The following ATG7 variants were observed in gnomAD, a reference collection of about 807,000 sequenced individuals.
The protein encoded by ATG7 is autophagy related 7, also known as ubiquitin-like modifier-activating enzyme ATG7.
In ATG7, 70 loss-of-function variants were observed where a neutral mutation model predicts 82.4. The ratio of observed to expected loss-of-function variants is 0.85; its 90% CI spans 0.70 to 1.04. The LOEUF (loss-of-function observed/expected upper bound fraction) is 1.04. Ranked by LOEUF, ATG7 falls within the 50% of genes least tolerant of loss-of-function variation. ATG7 has a pLI of 0.00. For synonymous variants in ATG7, 287 were observed against 313.0 expected (o/e 0.92, Z 0.88); for missense variants, 792 against 864.3 (o/e 0.92, Z 1.05).
chr3:11,296,320 A>G (rs1945907116), intron 3 of ATG7, among the ~76,000 whole-genome samples: 7 of 151,928 alleles, frequency 4.6e-5, no homozygotes, highest in Admixed American at 4.6e-4. Flanking sequence ...CTTTCACTCA[A>G]GCTGCCATTC....
At chr3:11,418,269 T>G (rs1278936606) in intron 19 of ATG7, among the ~76,000 whole-genome samples, 1 of 104,848 alleles carries the variant, frequency 9.5e-6, no homozygotes, top group African/African-American at 3.0e-5. Flanking sequence ...CATACCTGGC[T>G]ATTTTTTTTT....
intron 20 of ATG7, among the ~76,000 whole-genome samples, chr3:11,511,562 G>C (rs1447281024): frequency 6.6e-6 from 1 of 152,348 alleles, no homozygotes; most frequent in East Asian, 1.9e-4. Context: ...GGGGCTGCAG[G>C]TGGAGCTGCC....
chr3:11,488,655 T>C (rs1278993778), intron 20 of ATG7, among the ~76,000 whole-genome samples: 1 of 152,158 alleles, frequency 6.6e-6, no homozygotes, highest in Non-Finnish European at 1.5e-5. Context: ...CGTGACCTCC[T>C]CTCAAGATGT....
At chr3:11,530,530 A>G (rs1451888928) in intron 20 of ATG7, among the ~76,000 whole-genome samples, 2 of 152,100 alleles carry the variant, frequency 1.3e-5, no homozygotes, top group African/African-American at 4.8e-5. Flanking sequence ...GAAAAACCCC[A>G]ATTCTTTCCA....
intron 19 of ATG7, among the ~76,000 whole-genome samples, chr3:11,396,950 A>G (rs1161546263): frequency 2.0e-5 from 3 of 152,146 alleles, no homozygotes; most frequent in Admixed American, 6.5e-5. Context: ...GATAGACTAA[A>G]CAGTAAACAA....
intron 20 of ATG7, among the ~76,000 whole-genome samples, chr3:11,495,551 A>C (rs896864868): frequency 3.3e-5 from 5 of 152,142 alleles, no homozygotes; most frequent in African/African-American, 1.2e-4. Context: ...TGTGCTCCAG[A>C]AGGGTGCAGG....
chr3:11,508,320 G>A (rs1477320146), intron 20 of ATG7, among the ~76,000 whole-genome samples: 2 of 137,732 alleles, frequency 1.5e-5, no homozygotes, highest in African/African-American at 5.6e-5. Context: ...ATACACTAAC[G>A]ATAGCTGATG....
chr3:11,476,921 A>T (rs1279995455), intron 20 of ATG7, among the ~76,000 whole-genome samples: 2 of 152,208 alleles, frequency 1.3e-5, no homozygotes, highest in Non-Finnish European at 2.9e-5. Context: ...AATACAGATT[A>T]TGGCCCTCTT....
intron 20 of ATG7, among the ~76,000 whole-genome samples, chr3:11,533,035 G>C (rs545635726): frequency 7.6e-4 from 116 of 152,344 alleles, no homozygotes; most frequent in African/African-American, 2.5e-3. Flanking sequence ...GCCCCAGCCT[G>C]AGCGGGAATG....
chr3:11,399,631 G>A (rs2079628446), intron 19 of ATG7, among the ~76,000 whole-genome samples: 1 of 151,754 alleles, frequency 6.6e-6, no homozygotes, highest in Non-Finnish European at 1.5e-5. Context: ...CTAGAGTGCA[G>A]TGACACAATC....
chr3:11,444,177 C>T lies in ATG7; in HGVS notation c.2079+17251C>T, dbSNP rs112581649. Among the ~76,000 whole-genome samples the T allele has an allele frequency of 2.4e-3, 365 of 152,264 alleles. 1 individual carries two copies. Among genetic ancestry groups the T allele is most frequent in the African/African-American group, 8.2e-3 (340 of 41,558 alleles). On this transcript the variant is annotated intron_variant, in intron 20 of 20. Transcript: ENST00000693202. ...TCATTTTCGTTGCTATGTAGTGTTT[C>T]ATAATTGGATATATTGAAATTTCTC...
intron 19 of ATG7, among the ~76,000 whole-genome samples, chr3:11,405,168 C>G (rs992005624): frequency 1.1e-4 from 17 of 152,258 alleles, no homozygotes; most frequent in African/African-American, 4.1e-4. Flanking sequence ...TGGGTGAATT[C>G]TGAATCAGGT....
At chr3:11,468,702 T>G (rs1288517798) in intron 20 of ATG7, among the ~76,000 whole-genome samples, 1 of 152,184 alleles carries the variant, frequency 6.6e-6, no homozygotes, top group Non-Finnish European at 1.5e-5. Flanking sequence ...TCTAAATGCC[T>G]GTGGGACCAC....
At chr3:11,375,819 A>G (rs1400917854) in intron 18 of ATG7, among the ~76,000 whole-genome samples, 1 of 152,166 alleles carries the variant, frequency 6.6e-6, no homozygotes, top group Non-Finnish European at 1.5e-5. Context: ...CAGCTTCCCA[A>G]AGTGCTGGGA....
chr3:11,381,993 G>T (rs1405004813), intron 19 of ATG7, among the ~76,000 whole-genome samples: 1 of 152,092 alleles, frequency 6.6e-6, no homozygotes, highest in African/African-American at 2.4e-5. Context: ...TGTATATTTA[G>T]TATAATACAT....
At chr3:11,325,234 T>A (rs921694579) in intron 9 of ATG7, among the ~76,000 whole-genome samples, 1 of 152,188 alleles carries the variant, frequency 6.6e-6, no homozygotes, top group African/African-American at 2.4e-5. Flanking sequence ...TCCCCATCGT[T>A]AAGCATGACT....
In ATG7 at chr3:11,313,388, G is replaced by C; in HGVS notation, c.496G>C (p.Val166Leu). Residue 166 changes from valine to leucine, a missense_variant, in exon 8 of 21, where the codon GTG (valine) becomes CTG (leucine). Coordinates refer to ENST00000693202, the MANE Select transcript of ATG7 (RefSeq NM_001349232.2). Reference protein sequence around the residue: ...PESLPLIQGPVGLDQRFSLKQ... With the variant: ...PESLPLIQGPLGLDQRFSLKQ... The stretch of plus-strand genomic sequence containing the variant: ...GAGTTTACCTCTCATTCAGGGGCCA[G>C]TGGGTTTGGATCAAAGGTTTTCACT... 6.2e-7 allele frequency: 1 copy of C among 1,612,520 alleles called. No individual in the cohort carries two copies. The highest frequency in any genetic ancestry group is 1.3e-5 in the African/African-American group (1 of 74,950).
intron 18 of ATG7, among the ~76,000 whole-genome samples, chr3:11,368,009 C>T (rs926292521): frequency 6.6e-6 from 1 of 151,856 alleles, no homozygotes; most frequent in East Asian, 1.9e-4. Context: ...CAATGCCCCC[C>T]TCATGCCTCT....
At chr3:11,465,221 C>CCGAG (rs2086711106) in intron 20 of ATG7, among the ~76,000 whole-genome samples, 1 of 151,826 alleles carries the variant, frequency 6.6e-6, no homozygotes, top group Non-Finnish European at 1.5e-5. Context: ...CTTTGGGAGG[C>CCGAG]CGAGGCGTGT....
Sources: allele counts gnomAD v4.1 joint callset (sites outside exome capture counted in the v4.1 genomes callset), GRCh38; gene constraint gnomAD v4.1.1; transcripts MANE v1.5; gene names NCBI Gene and HGNC (gene_info 2026-07-23, HGNC 2026-07-21).